VTI1A: variants seen among roughly 807,000 people sequenced by gnomAD.
VTI1A encodes vesicle transport through interaction with t-SNAREs homolog 1A.
In VTI1A, 22 loss-of-function variants were observed where a neutral mutation model predicts 34.9. The ratio of observed to expected loss-of-function variants is 0.63; its 90% CI spans 0.45 to 0.90. VTI1A has a LOEUF of 0.90. Among genes scored for constraint, VTI1A ranks in the 40% least tolerant of loss-of-function variants. The pLI is 0.00. For synonymous variants in VTI1A, 87 were observed against 97.3 expected (o/e 0.89, Z 0.62); for missense variants, 268 against 275.6 (o/e 0.97, Z 0.20).
chr10:112,626,416 A>T (rs113324169), intron 5 of VTI1A, among the ~76,000 whole-genome samples: 8 of 151,736 alleles, frequency 5.3e-5, no homozygotes, highest in Non-Finnish European at 8.8e-5. Flanking sequence ...TGAGATATAT[A>T]ATCAACATTC....
At chr10:112,470,598 T>C (rs1848042401) in intron 3 of VTI1A, among the ~76,000 whole-genome samples, 1 of 152,152 alleles carries the variant, frequency 6.6e-6, no homozygotes, top group Admixed American at 6.5e-5. Flanking sequence ...TTAAAAGTGC[T>C]GGGTGCGGTG....
At chr10:112,795,450 T>C (rs1296377890) in intron 7 of VTI1A, among the ~76,000 whole-genome samples, 19 of 148,064 alleles carry the variant, frequency 1.3e-4, no homozygotes, top group African/African-American at 4.9e-4. Context: ...TTTTTTTTTT[T>C]CTGAGAGACA....
At chr10:112,505,906 TCC>T (rs758905900) in intron 3 of VTI1A, among the ~76,000 whole-genome samples, 1 of 152,156 alleles carries the variant, frequency 6.6e-6, no homozygotes, top group Non-Finnish European at 1.5e-5. Flanking sequence ...TATATAGTAG[TCC>T]CCCGTTACCT....
At chr10:112,448,769 A>T (rs747734158) in intron 1 of VTI1A, 6 of 151,928 alleles carry the variant, frequency 3.9e-5, no homozygotes, top group Non-Finnish European at 8.8e-5. Flanking sequence ...CCCGGACCTA[A>T]GTTGTCATTC....
chr10:112,771,019 T>C (rs1851800323), intron 7 of VTI1A, among the ~76,000 whole-genome samples: 1 of 152,084 alleles, frequency 6.6e-6, no homozygotes, highest in South Asian at 2.1e-4. Flanking sequence ...TCGTTTTGAA[T>C]GGAGAAGACT....
At chr10:112,822,211 G>T (rs550191810), downstream of VTI1A, among the ~76,000 whole-genome samples, 1 of 152,086 alleles carries the variant, frequency 6.6e-6, no homozygotes, top group African/African-American at 2.4e-5. Context: ...AGGTTGCCCC[G>T]TATCAGCTGC....
At chr10:112,852,892 C>T in the VTI1A span, among the ~76,000 whole-genome samples, 1 of 152,190 alleles carries the variant, frequency 6.6e-6, no homozygotes, top group Non-Finnish European at 1.5e-5. Context: ...AATTCCTCTG[C>T]CTCAGCCTCC....
chr10:112,537,438 TCAA>T (rs1166702784), intron 4 of VTI1A, among the ~76,000 whole-genome samples: 3 of 150,042 alleles, frequency 2.0e-5, no homozygotes, highest in Non-Finnish European at 3.0e-5. Context: ...ACAAAAAAAA[TCAA>T]CAACAACCAT....
chr10:112,666,418 G>T (rs1388750542), intron 5 of VTI1A, among the ~76,000 whole-genome samples: 1 of 152,140 alleles, frequency 6.6e-6, no homozygotes, highest in African/African-American at 2.4e-5. Context: ...AAATTCTTCT[G>T]TTAACACTTG....
At chr10:112,838,651 G>A in the VTI1A span, among the ~76,000 whole-genome samples, 45 of 152,282 alleles carry the variant, frequency 3.0e-4, no homozygotes, top group Non-Finnish European at 2.5e-4. Context: ...CAGGTGACTT[G>A]AAGGGCAAGA....
rs1279572183 is a variant in VTI1A, at chr10:112,527,175, A to G, written c.342+11A>G. The G allele has an allele frequency of 3.7e-6, 6 of 1,612,416 alleles. No homozygotes were observed. Among genetic ancestry groups the G allele is most frequent in the African/African-American group, 2.7e-5 (2 of 74,856 alleles). On this transcript the variant is annotated intron_variant, in intron 4 of 7. Coordinates refer to ENST00000393077, the MANE Select transcript of VTI1A (RefSeq NM_145206.4). ...TCCTCAGAGAACCAGGTAGAATGCT[A>G]ATCAGGAAGGCCCGGTGGGTGGCTG...
rs1015982097 is a variant in VTI1A, at chr10:112,586,530, T to G, written c.427+48200T>G. On this transcript the variant is annotated intron_variant, in intron 5 of 7. Coordinates refer to ENST00000393077, the MANE Select transcript of VTI1A (RefSeq NM_145206.4). ...AACAGAGACCCACTAGTTTTTCAAC[T>G]GGATAAAATAAAGGATAATTTTGAC... Among the ~76,000 whole-genome samples the G allele has an allele frequency of 3.9e-5, 6 of 152,224 alleles. No individual in the cohort carries two copies. The East Asian group carries it at 1.2e-3, about 29-fold the overall frequency.
the VTI1A span, among the ~76,000 whole-genome samples, chr10:112,849,568 G>A: frequency 6.6e-6 from 1 of 152,168 alleles, no homozygotes; most frequent in African/African-American, 2.4e-5. Flanking sequence ...GCTCTGCCTG[G>A]GTATCCATTG....
chr10:112,708,433 T>C (rs1849277916), intron 7 of VTI1A, among the ~76,000 whole-genome samples: 2 of 152,224 alleles, frequency 1.3e-5, no homozygotes, highest in South Asian at 4.1e-4. Context: ...GTGTTAATAC[T>C]TCAGTTTTTT....
chr10:112,449,147 T>G (rs748964722), intron 1 of VTI1A: 3 of 152,256 alleles, frequency 2.0e-5, no homozygotes, highest in African/African-American at 7.2e-5. Flanking sequence ...CTGCCGGAGA[T>G]CGTCTTGATT....
chr10:112,464,858 T>G (rs1847845515), intron 3 of VTI1A: 12 of 584,366 alleles, frequency 2.1e-5, no homozygotes, highest in Non-Finnish European at 3.6e-5. Flanking sequence ...GATTAATGAT[T>G]CACAAATAGA....
At position 112,815,386 on chromosome 10, in the gene VTI1A, T is replaced by G; in HGVS notation, c.*3T>G. 6.2e-7 allele frequency: 1 copy of G among 1,611,274 alleles called. No individual in the cohort carries two copies. The highest frequency in any genetic ancestry group is 8.5e-7 in the Non-Finnish European group (1 of 1,177,404). On this transcript the variant is annotated 3_prime_UTR_variant, in exon 8 of 8. Coordinates refer to ENST00000393077, the MANE Select transcript of VTI1A (RefSeq NM_145206.4). The stretch of plus-strand genomic sequence containing the variant: ...CTTTTTCTGTCAGAAGACACTGATG[T>G]ATCTGCTCTCCCTTGATAAACAGCA...
At chr10:112,698,471 G>A (rs1367466293) in intron 7 of VTI1A, among the ~76,000 whole-genome samples, 3 of 152,042 alleles carry the variant, frequency 2.0e-5, no homozygotes, top group Non-Finnish European at 4.4e-5. Context: ...ACCAAGACAG[G>A]AAAAAAGAAT....
intron 7 of VTI1A, among the ~76,000 whole-genome samples, chr10:112,758,851 A>G (rs1344538841): frequency 6.6e-6 from 1 of 152,216 alleles, no homozygotes; most frequent in East Asian, 1.9e-4. Context: ...ATTGCTTTTT[A>G]AGGCATGAGC....
Sources: gnomAD v4.1 joint callset for allele counts (sites outside exome capture counted in the v4.1 genomes callset) on GRCh38, gnomAD v4.1.1 for gene constraint, MANE v1.5 for transcripts, NCBI Gene and HGNC (gene_info 2026-07-23, HGNC 2026-07-21) for gene names.